CGNL1: variants seen among roughly 807,000 people sequenced by gnomAD.
The protein encoded by CGNL1 is cingulin-like protein 1.
In CGNL1, 132 loss-of-function variants were observed where a neutral mutation model predicts 141.2. The ratio of observed to expected loss-of-function variants is 0.93; its 90% CI spans 0.81 to 1.08. CGNL1 has a LOEUF of 1.08. Ranked by LOEUF, CGNL1 falls within the 50% of genes least tolerant of loss-of-function variation. CGNL1 has a pLI of 0.00. For missense variants in CGNL1, 1,870 were observed against 1,588.6 expected (o/e 1.18, Z -3.01); for synonymous variants, 690 against 622.1 (o/e 1.11, Z -1.63).
chr15:57,519,815 T>A (rs2031119093), intron 10 of CGNL1, among the ~76,000 whole-genome samples: 1 of 152,200 alleles, frequency 6.6e-6, no homozygotes, highest in African/African-American at 2.4e-5. Flanking sequence ...CATCTCTACC[T>A]TCATGGTATG....
intron 1 of CGNL1, among the ~76,000 whole-genome samples, chr15:57,386,708 G>A (rs775959519): frequency 5.9e-5 from 9 of 152,150 alleles, no homozygotes; most frequent in Non-Finnish European, 1.2e-4. Flanking sequence ...CAGTGACGAC[G>A]ATAACACCCA....
chr15:57,406,602 T>G (rs1296534627), intron 1 of CGNL1, among the ~76,000 whole-genome samples: 3 of 152,124 alleles, frequency 2.0e-5, no homozygotes, highest in Admixed American at 6.5e-5. Context: ...TGGTAGTGAC[T>G]AGATCCTGAG....
intron 15 of CGNL1, 133 bp from the exon 16 acceptor site, chr15:57,544,340 C>T (rs1424917387): frequency 3.6e-6 from 4 of 1,099,696 alleles, no homozygotes; most frequent in Non-Finnish European, 5.2e-6. Context: ...GTCTCCAGGC[C>T]ACAGGCCCTG....
chr15:57,488,855 A>G (rs1416791482), intron 8 of CGNL1, among the ~76,000 whole-genome samples: 1 of 152,200 alleles, frequency 6.6e-6, no homozygotes, highest in Non-Finnish European at 1.5e-5. Flanking sequence ...TGTCAATGTA[A>G]TCTACAAACA....
chr15:57,445,603 G>T (rs1293316063), intron 4 of CGNL1, among the ~76,000 whole-genome samples: 3 of 152,136 alleles, frequency 2.0e-5, no homozygotes, highest in Admixed American at 6.5e-5. Context: ...AAAATGGATT[G>T]TTATTTTGCC....
At chr15:57,422,763 A>G (rs2062930212) in intron 1 of CGNL1, among the ~76,000 whole-genome samples, 1 of 152,192 alleles carries the variant, frequency 6.6e-6, no homozygotes, top group African/African-American at 2.4e-5. Context: ...TATTGGCTTT[A>G]GGTGGAAGAA....
rs372867513 is a variant in CGNL1, at chr15:57,528,827, G to A, written c.3201+12G>A. 4.0e-5 allele frequency: 65 copies of A among 1,611,786 alleles called. No homozygotes were observed. Among genetic ancestry groups the A allele is most frequent in the Middle Eastern group, 3.6e-4 (2 of 5,534 alleles). On this transcript the variant is annotated intron_variant, in intron 13 of 18. Coordinates refer to ENST00000281282, the MANE Select transcript of CGNL1 (RefSeq NM_032866.5). Reference sequence around the variant, plus strand: ...TCAAGCAGATGGAGGTCTGTGGGCCGTACAGTGTGAGCTGGGGGACCTGCA... The same window carrying A: ...TCAAGCAGATGGAGGTCTGTGGGCCATACAGTGTGAGCTGGGGGACCTGCA...
chr15:57,513,304 T>C (rs1158766346), intron 8 of CGNL1, among the ~76,000 whole-genome samples: 1 of 128,448 alleles, frequency 7.8e-6, no homozygotes, highest in Non-Finnish European at 1.8e-5. Flanking sequence ...GTTTGTGTGA[T>C]TGGCTTCTTT....
intron 8 of CGNL1, among the ~76,000 whole-genome samples, chr15:57,463,957 G>A (rs1208856520): frequency 6.6e-6 from 1 of 152,104 alleles, no homozygotes; most frequent in Non-Finnish European, 1.5e-5. Flanking sequence ...TAGGGTTTCT[G>A]CGGAACCCTG....
chr15:57,528,103 A>G (rs1045119844), intron 12 of CGNL1, among the ~76,000 whole-genome samples: 4 of 152,138 alleles, frequency 2.6e-5, no homozygotes, highest in Non-Finnish European at 5.9e-5. Flanking sequence ...CTAAAAATAC[A>G]AAAATTAGCT....
chr15:57,408,479 G>A (rs2062748132), intron 1 of CGNL1, among the ~76,000 whole-genome samples: 1 of 152,140 alleles, frequency 6.6e-6, no homozygotes, highest in African/African-American at 2.4e-5. Context: ...AGTTTGGACA[G>A]TTTTCCCAGA....
intron 1 of CGNL1, among the ~76,000 whole-genome samples, chr15:57,382,292 A>G (rs770904486): frequency 6.6e-6 from 1 of 152,228 alleles, no homozygotes; most frequent in African/African-American, 2.4e-5. Flanking sequence ...TGAATATTTC[A>G]ACCCGAGAAG....
At chr15:57,392,946 T>C (rs1287293477) in intron 1 of CGNL1, among the ~76,000 whole-genome samples, 1 of 152,238 alleles carries the variant, frequency 6.6e-6, no homozygotes, top group Non-Finnish European at 1.5e-5. Context: ...TCAACCTGAT[T>C]GGCCAGTATT....
intron 1 of CGNL1, among the ~76,000 whole-genome samples, chr15:57,429,709 A>G (rs182432813): frequency 4.7e-4 from 72 of 152,334 alleles, no homozygotes; most frequent in Non-Finnish European, 9.4e-4. Context: ...TTGGTTAATT[A>G]GTGGGGGTTT....
At chr15:57,397,854 C>G (rs2062619346) in intron 1 of CGNL1, among the ~76,000 whole-genome samples, 2 of 151,658 alleles carry the variant, frequency 1.3e-5, no homozygotes, top group Non-Finnish European at 2.9e-5. Context: ...GTGATCTCAG[C>G]TCACTGCAAT....
chr15:57,470,099 T>G (rs2063560455), intron 8 of CGNL1, among the ~76,000 whole-genome samples: 1 of 152,158 alleles, frequency 6.6e-6, no homozygotes. Flanking sequence ...TACTGAGAGC[T>G]GGAGAAGTGG....
chr15:57,524,506 G>T (rs748174293), intron 11 of CGNL1, 75 bp from the exon 12 acceptor site: 2 of 1,309,828 alleles, frequency 1.5e-6, no homozygotes, highest in African/African-American at 3.0e-5. Flanking sequence ...GAGATGTGCT[G>T]TGTGTTGAAA....
At chr15:57,517,702 T>C (rs2030924665) in intron 9 of CGNL1, among the ~76,000 whole-genome samples, 1 of 152,198 alleles carries the variant, frequency 6.6e-6, no homozygotes. Flanking sequence ...GGGAACTGAC[T>C]GGCCAGAGGG....
intron 13 of CGNL1, 137 bp from the exon 14 acceptor site, chr15:57,531,549 GAAAT>G: frequency 1.5e-6 from 1 of 650,082 alleles, no homozygotes; most frequent in Non-Finnish European, 2.8e-6. Context: ...GGCAATGTAA[GAAAT>G]AGATATATTG....
Sources: allele counts gnomAD v4.1 joint callset (sites outside exome capture counted in the v4.1 genomes callset), GRCh38; gene constraint gnomAD v4.1.1; transcripts MANE v1.5; gene names NCBI Gene and HGNC (gene_info 2026-07-23, HGNC 2026-07-21).